The following NOTCH2NLB variants were observed in gnomAD, a reference collection of about 807,000 sequenced individuals.
The protein encoded by NOTCH2NLB is notch homolog 2 N-terminal-like protein B.
A neutral mutation model predicts 14.8 loss-of-function variants in NOTCH2NLB; 1 was observed. The ratio of observed to expected loss-of-function variants is 0.07; its 90% CI spans 0.02 to 0.32. The LOEUF (loss-of-function observed/expected upper bound fraction) is 0.32. NOTCH2NLB is among the 10% of genes least tolerant of loss of function. The pLI, the probability that NOTCH2NLB is intolerant of heterozygous loss-of-function variation, is 1.00. For missense variants in NOTCH2NLB, 11 were observed against 155.0 expected (o/e 0.07, Z 4.93); for synonymous variants, 6 against 57.5 (o/e 0.10, Z 4.05).
At chr1:148,645,629 T>G (rs1381292204) in intron 1 of NOTCH2NLB, among the ~76,000 whole-genome samples, 1 of 146,666 alleles carries the variant, frequency 6.8e-6, no homozygotes, top group Non-Finnish European at 1.5e-5. Flanking sequence ...CATTCCTCCA[T>G]GCATGTCTGT....
rs1235751382 is a variant in NOTCH2NLB at position 148,670,541 on chromosome 1, T to A, written c.3+8921A>T. 1.7e-3 allele frequency among the ~76,000 whole-genome samples: 105 copies of A among 62,382 alleles called. 1 individual carries two copies. Among genetic ancestry groups the A allele is most frequent in the African/African-American group, 8.7e-3 (67 of 7,740 alleles). 40.9% of individuals were successfully genotyped at this position (62,382 alleles called of 152,430 possible). A position where few individuals can be genotyped will look rare whatever the true frequency, so the allele number is the denominator to read the frequency against. ...TCTGTTCATAAACTAAAAAAAAAAA[T>A]ATATATATATACATATATATATATA... On this transcript the variant is annotated intron_variant, in intron 1 of 4. Transcript: ENST00000593495.
At chr1:148,703,385 C>T in the NOTCH2NLB span, among the ~76,000 whole-genome samples, 759 of 71,990 alleles carry the variant, frequency 0.011, no homozygotes, top group Non-Finnish European at 0.014. Flanking sequence ...TTAATTCTGT[C>T]TGTGGGGTTG....
intron 1 of NOTCH2NLB, among the ~76,000 whole-genome samples, chr1:148,649,589 C>T (rs1248527654): frequency 2.0e-5 from 3 of 150,328 alleles, no homozygotes; most frequent in Admixed American, 6.6e-5. Flanking sequence ...CAGCTCACTG[C>T]AAGCTCCTCC....
At chr1:148,647,802 AGATAAAT>A (rs2149622091) in intron 1 of NOTCH2NLB, among the ~76,000 whole-genome samples, 1 of 32,186 alleles carries the variant, frequency 3.1e-5, no homozygotes. Context: ...AAGCAATAAG[AGATAAAT>A]CGATTTTGTT....
Position 148,649,590 on chromosome 1 carries a change from A to G in NOTCH2NLB, c.4-9501T>C, listed in dbSNP as rs1189325970. Among the ~76,000 whole-genome samples the G allele has an allele frequency of 2.0e-5, 3 of 149,848 alleles. No individual in the cohort carries two copies. The East Asian group carries it at 5.9e-4, about 29-fold the overall frequency. On this transcript the variant is annotated intron_variant, in intron 1 of 4. Transcript: ENST00000593495. ...CAGTGGCGCAATCTCAGCTCACTGCAAGCTCCTCCTCCTGGGTTCACGCCA... is the reference window on the plus strand; with the variant it reads ...CAGTGGCGCAATCTCAGCTCACTGCGAGCTCCTCCTCCTGGGTTCACGCCA...
At chr1:148,636,954 C>T (rs1450761962) in intron 2 of NOTCH2NLB, among the ~76,000 whole-genome samples, 1 of 145,338 alleles carries the variant, frequency 6.9e-6, no homozygotes, top group African/African-American at 2.6e-5. Flanking sequence ...GAGTTTGTTT[C>T]CCTCAAAACA....
intron 1 of NOTCH2NLB, among the ~76,000 whole-genome samples, chr1:148,661,337 C>T (rs1664678356): frequency 6.7e-6 from 1 of 150,146 alleles, no homozygotes; most frequent in African/African-American, 2.4e-5. Context: ...GTCTATTCCT[C>T]CTCCCAACAC....
chr1:148,608,311 C>T (rs1398832003), intron 3 of NOTCH2NLB, among the ~76,000 whole-genome samples: 1 of 136,406 alleles, frequency 7.3e-6, no homozygotes, highest in East Asian at 2.0e-4. Flanking sequence ...CACTTGAACC[C>T]AGGAGGCGGA....
At chr1:148,712,470 C>T in the NOTCH2NLB span, among the ~76,000 whole-genome samples, 36 of 152,398 alleles carry the variant, frequency 2.4e-4, no homozygotes, top group Admixed American at 9.1e-4. Flanking sequence ...TGTGATGAAA[C>T]GTCCAGATCT....
At position 148,608,386 on chromosome 1, in the gene NOTCH2NLB, C is replaced by CA. The variant is rs1361551091; in HGVS notation, c.338-642dup. ...TGGGCAACACAGCAAGACTCCATTT[C>CA]AAAAAAAAAAAAAAATCAACTTCCC... is the stretch of plus-strand genomic sequence containing the variant. On this transcript the variant is annotated intron_variant, in intron 3 of 4. Coordinates refer to ENST00000593495, the Ensembl canonical transcript of NOTCH2NLB. Among the ~76,000 whole-genome samples, 801 of 124,610 alleles carry CA rather than the reference C, an allele frequency of 6.4e-3. 5 individuals carry two copies. Among genetic ancestry groups the CA allele is most frequent in the African/African-American group, 0.02 (602 of 30,736 alleles). The allele number at this position is 124,610 out of a possible 152,430, so 81.7% of individuals were successfully genotyped here.
At chr1:148,614,859 C>T (rs1268552321) in intron 3 of NOTCH2NLB, among the ~76,000 whole-genome samples, 1 of 9,294 alleles carries the variant, frequency 1.1e-4, no homozygotes, top group East Asian at 2.3e-3. Context: ...GCAGTGGAGG[C>T]GAATACAGAC....
chr1:148,679,937 C>T (rs1428589475), upstream of NOTCH2NLB, among the ~76,000 whole-genome samples: 1 of 54,604 alleles, frequency 1.8e-5, no homozygotes, highest in Admixed American at 2.0e-4. Flanking sequence ...TCACTGGCCC[C>T]GTCCGCATCC....
chr1:148,686,727 A>T, the NOTCH2NLB span, among the ~76,000 whole-genome samples: 2 of 80,576 alleles, frequency 2.5e-5, no homozygotes, highest in South Asian at 5.7e-4. Flanking sequence ...CTTTAAGATT[A>T]AAAAAAAAAA....
intron 2 of NOTCH2NLB, among the ~76,000 whole-genome samples, chr1:148,636,869 CTCTT>C (rs1434855366): frequency 2.8e-5 from 4 of 144,004 alleles, no homozygotes; most frequent in African/African-American, 1.1e-4. Flanking sequence ...GGGAATCACT[CTCTT>C]TATACAAGTT....
chr1:148,679,939 T>A (rs1177865603), upstream of NOTCH2NLB, among the ~76,000 whole-genome samples: 4 of 52,198 alleles, frequency 7.7e-5, 1 homozygote, highest in Admixed American at 8.3e-4. Flanking sequence ...ACTGGCCCCG[T>A]CCGCATCCTT....
intron 1 of NOTCH2NLB, among the ~76,000 whole-genome samples, chr1:148,661,373 C>A (rs1361252506): frequency 1.3e-5 from 2 of 150,282 alleles, no homozygotes; most frequent in Non-Finnish European, 3.0e-5. Context: ...CGCACACACA[C>A]ACAGAGTTAA....
chr1:148,608,377 A>C (rs1425015812), intron 3 of NOTCH2NLB, among the ~76,000 whole-genome samples: 4 of 129,912 alleles, frequency 3.1e-5, no homozygotes, highest in African/African-American at 1.0e-4. Flanking sequence ...ACACAGCAAG[A>C]CTCCATTTCA....
At chr1:148,610,377 A>AAGAAAGAAAGAAAG (rs1663661550) in intron 3 of NOTCH2NLB, among the ~76,000 whole-genome samples, 2 of 116,630 alleles carry the variant, frequency 1.7e-5, no homozygotes, top group Non-Finnish European at 3.6e-5. Flanking sequence ...AAGAAAGAGA[A>AAGAAAGAAAGAAAG]AGAAAGAAAG....
intron 2 of NOTCH2NLB, among the ~76,000 whole-genome samples, chr1:148,638,587 A>C (rs1445764163): frequency 6.7e-6 from 1 of 149,410 alleles, no homozygotes; most frequent in East Asian, 1.9e-4. Flanking sequence ...AGAAAAACTA[A>C]ATGAGCAGCC....
Sources: allele counts gnomAD v4.1 joint callset (sites outside exome capture counted in the v4.1 genomes callset), GRCh38; gene constraint gnomAD v4.1.1; transcripts MANE v1.5; gene names NCBI Gene and HGNC (gene_info 2026-07-23, HGNC 2026-07-21).